Variants in TMEM132D observed in about 807,000 individuals in gnomAD.
TMEM132D encodes the protein mature OL transmembrane protein.
A neutral mutation model predicts 62.3 loss-of-function variants in TMEM132D; 21 were observed. The ratio of observed to expected loss-of-function variants is 0.34; its 90% CI spans 0.24 to 0.49. The LOEUF is 0.49. Among genes scored for constraint, TMEM132D ranks in the 20% least tolerant of loss-of-function variants. TMEM132D has a pLI of 0.99. For missense variants in TMEM132D, 1,346 were observed against 1,402.8 expected, an observed-to-expected ratio of 0.96 and a Z score of 0.65; for synonymous variants, 621 against 575.6, an observed-to-expected ratio of 1.08 and a Z score of -1.13.
chr12:129,719,587 T>C (rs997588918), intron 1 of TMEM132D, among the ~76,000 whole-genome samples: 2 of 152,198 alleles, frequency 1.3e-5, no homozygotes, highest in African/African-American at 2.4e-5. Context: ...CCTTGAGAAA[T>C]GGCCAATTGT....
intron 1 of TMEM132D, among the ~76,000 whole-genome samples, chr12:129,894,708 A>G (rs1875045617): frequency 6.7e-6 from 1 of 150,022 alleles, no homozygotes; most frequent in Non-Finnish European, 1.5e-5. Context: ...GACACCCCAC[A>G]GAGCTCGCAC....
At chr12:129,640,904 C>T (rs1184376373) in intron 2 of TMEM132D, among the ~76,000 whole-genome samples, 5 of 152,044 alleles carry the variant, frequency 3.3e-5, no homozygotes, top group South Asian at 4.1e-4. Context: ...ACTGTGCATG[C>T]GAGGGATCTA....
chr12:129,406,391 C>T (rs540492065), intron 3 of TMEM132D, among the ~76,000 whole-genome samples: 6 of 152,248 alleles, frequency 3.9e-5, no homozygotes, highest in South Asian at 2.1e-4. Context: ...GAGGTCGAGG[C>T]GCGTGGATCA....
At chr12:129,516,173 C>G (rs1001115820) in intron 3 of TMEM132D, among the ~76,000 whole-genome samples, 1 of 152,180 alleles carries the variant, frequency 6.6e-6, no homozygotes, top group African/African-American at 2.4e-5. Flanking sequence ...AGGGCATGGA[C>G]TTGGACTCAG....
intron 1 of TMEM132D, among the ~76,000 whole-genome samples, chr12:129,747,121 T>C: frequency 2.6e-5 from 1 of 38,600 alleles, no homozygotes; most frequent in East Asian, 7.3e-4. Flanking sequence ...GCCAAGGTCC[T>C]CATAACCGCC....
At chr12:129,805,480 G>T (rs1268962534) in intron 1 of TMEM132D, among the ~76,000 whole-genome samples, 2 of 152,130 alleles carry the variant, frequency 1.3e-5, no homozygotes, top group Non-Finnish European at 2.9e-5. Context: ...GGGAAAACCT[G>T]CTAGCCATAT....
At chr12:129,304,888 T>C (rs1881809714) in intron 4 of TMEM132D, among the ~76,000 whole-genome samples, 1 of 152,136 alleles carries the variant, frequency 6.6e-6, no homozygotes, top group Non-Finnish European at 1.5e-5. Flanking sequence ...GGTCTTGAAC[T>C]CTTGCCCTCA....
intron 2 of TMEM132D, among the ~76,000 whole-genome samples, chr12:129,590,189 G>T (rs548200473): frequency 6.6e-6 from 1 of 152,186 alleles, no homozygotes; most frequent in South Asian, 2.1e-4. Flanking sequence ...AGGTGTCTGG[G>T]ATGAAATGTG....
intron 3 of TMEM132D, among the ~76,000 whole-genome samples, chr12:129,431,218 C>A (rs910536578): frequency 5.3e-5 from 8 of 152,224 alleles, no homozygotes; most frequent in Non-Finnish European, 5.9e-5. Context: ...CCGATAAGGA[C>A]GCGGAGCTTC....
intron 4 of TMEM132D, among the ~76,000 whole-genome samples, chr12:129,253,987 G>A (rs564479351): frequency 3.7e-4 from 56 of 152,218 alleles, no homozygotes; most frequent in Non-Finnish European, 6.9e-4. Flanking sequence ...TTCTGATTCA[G>A]CAGTGACCAG....
chr12:129,815,208 G>A (rs7300680), intron 1 of TMEM132D, among the ~76,000 whole-genome samples: 24,363 of 152,098 alleles, frequency 0.16, 2,299 homozygotes, highest in East Asian at 0.43. Flanking sequence ...GGATTCATAC[G>A]CAGCTATTAA....
At chr12:129,489,598 T>A (rs1440191022) in intron 3 of TMEM132D, among the ~76,000 whole-genome samples, 1 of 152,250 alleles carries the variant, frequency 6.6e-6, no homozygotes, top group Non-Finnish European at 1.5e-5. Context: ...TTAAATAATG[T>A]CAGTTTTATG....
intron 5 of TMEM132D, among the ~76,000 whole-genome samples, chr12:129,173,579 A>C (rs958737654): frequency 3.3e-5 from 5 of 152,184 alleles, no homozygotes; most frequent in African/African-American, 1.2e-4. Context: ...TATTGCATTA[A>C]ACCAATCTTC....
At chr12:129,130,500 C>T (rs1876344685) in intron 5 of TMEM132D, among the ~76,000 whole-genome samples, 2 of 152,198 alleles carry the variant, frequency 1.3e-5, no homozygotes, top group Admixed American at 1.3e-4. Context: ...CCGCGGTCTG[C>T]TGCCTGAGAG....
intron 8 of TMEM132D, among the ~76,000 whole-genome samples, chr12:129,075,941 G>GT (rs1874237984): frequency 1.4e-5 from 2 of 144,888 alleles, no homozygotes; most frequent in South Asian, 4.9e-4. Context: ...CTCCCTCTCA[G>GT]AGAACCTGCT....
chr12:129,659,282 C>T (rs1340099235), intron 2 of TMEM132D, among the ~76,000 whole-genome samples: 1 of 152,048 alleles, frequency 6.6e-6, no homozygotes, highest in Non-Finnish European at 1.5e-5. Flanking sequence ...TTTTAAATCA[C>T]TAAGTGTGGG....
In TMEM132D at chr12:129,827,654, C is replaced by T. The variant is rs1218067450; in HGVS notation, c.79+75607G>A. Among the ~76,000 whole-genome samples, 1 of 152,188 alleles carries T rather than the reference C, an allele frequency of 6.6e-6. No homozygotes were observed. Among genetic ancestry groups the T allele is most frequent in the Non-Finnish European group, 1.5e-5 (1 of 68,040 alleles). ...AAACATTCCTTGCCATAGACCCAGA[C>T]ATCCTTAACAAACAAATTCCAGCAA... On this transcript the variant is annotated intron_variant, in intron 1 of 8. Coordinates refer to ENST00000422113, the MANE Select transcript of TMEM132D (RefSeq NM_133448.3). The surrounding 1 kb of genome is among the most constrained non-coding windows in gnomAD (Gnocchi z 9.7).
chr12:129,428,653 A>G (rs901998752), intron 3 of TMEM132D, among the ~76,000 whole-genome samples: 1 of 152,192 alleles, frequency 6.6e-6, no homozygotes, highest in African/African-American at 2.4e-5. Flanking sequence ...TTACATATTC[A>G]TGGTAGCTGA....
At position 129,501,056 on chromosome 12, in the gene TMEM132D, A is replaced by G. The variant is rs954156818; in HGVS notation, c.1115+30003T>C. Among the ~76,000 whole-genome samples, 7 of 152,364 alleles carry G rather than the reference A, an allele frequency of 4.6e-5. No individual in the cohort carries two copies. In the East Asian group the frequency reaches 1.2e-3, roughly 25 times the overall value. Reference sequence around the variant, plus strand: ...AGTTTGAGCACCTTTTGTCTACGATACCATACATAAAGAACAGAATCTTGA... The same window carrying G: ...AGTTTGAGCACCTTTTGTCTACGATGCCATACATAAAGAACAGAATCTTGA... On this transcript the variant is annotated intron_variant, in intron 3 of 8. Coordinates refer to ENST00000422113, the MANE Select transcript of TMEM132D (RefSeq NM_133448.3).
Sources: allele counts gnomAD v4.1 joint callset (sites outside exome capture counted in the v4.1 genomes callset), GRCh38; gene constraint gnomAD v4.1.1; non-coding constraint Gnocchi (gnomAD v3.1); transcripts MANE v1.5; gene names NCBI Gene and HGNC (gene_info 2026-07-23, HGNC 2026-07-21).